NT5M: variants seen among roughly 807,000 people sequenced by gnomAD.
NT5M encodes the protein 5'(3')-deoxyribonucleotidase, mitochondrial.
A neutral mutation model predicts 22.2 loss-of-function variants in NT5M; 22 were observed. The ratio of observed to expected loss-of-function variants is 0.99; its 90% CI spans 0.71 to 1.41. The LOEUF is 1.41. NT5M is among the 40% of genes most tolerant of loss of function. The pLI is 0.00. For missense variants in NT5M, 322 were observed against 314.8 expected (o/e 1.02, Z -0.17); for synonymous variants, 167 against 133.0 (o/e 1.26, Z -1.76).
chr17:17,306,935 TGCCTGTAATCCCA>T (rs2048814852), intron 2 of NT5M, among the ~76,000 whole-genome samples: 1 of 152,134 alleles, frequency 6.6e-6, no homozygotes, highest in Admixed American at 6.5e-5. Flanking sequence ...TGGTGGCTCA[TGCCTGTAATCCCA>T]GCACTTTGGG....
At chr17:17,310,210 A>G (rs1035362246) in intron 2 of NT5M, among the ~76,000 whole-genome samples, 5 of 152,168 alleles carry the variant, frequency 3.3e-5, no homozygotes, top group Non-Finnish European at 7.3e-5. Flanking sequence ...CATGTATCTG[A>G]TAAGAGACTT....
At chr17:17,304,415 G>T in intron 1 of NT5M, 1 of 985,448 alleles carries the variant, frequency 1.0e-6, no homozygotes, top group Non-Finnish European at 1.2e-6. Context: ...GACTCCCGAG[G>T]TGTTCTGTCC....
At position 17,330,023 on chromosome 17, in the gene NT5M, G is replaced by C. The variant is rs147173090; in HGVS notation, c.429+6778G>C. ...ACAAAACAAAAACCTACTCCTGGCT[G>C]GGCGTGGTGGCTCACGCCTGTAATC... On this transcript the variant is annotated intron_variant, in intron 3 of 4. Coordinates refer to ENST00000389022, the MANE Select transcript of NT5M (RefSeq NM_020201.4). 2.7e-3 allele frequency among the ~76,000 whole-genome samples: 417 copies of C among 152,082 alleles called. 5 individuals are homozygous for C. The East Asian group carries it at 0.037, about 13-fold the overall frequency.
chr17:17,316,693 TTTTTG>T (rs145399562), intron 2 of NT5M, among the ~76,000 whole-genome samples: 89,874 of 147,472 alleles, frequency 0.61, 28,666 homozygotes, highest in East Asian at 0.78. Context: ...AGGGTTTTGT[TTTTTG>T]TTTTGTTTTG....
At chr17:17,326,605 C>G (rs926098746) in intron 3 of NT5M, among the ~76,000 whole-genome samples, 2 of 152,236 alleles carry the variant, frequency 1.3e-5, no homozygotes, top group Non-Finnish European at 1.5e-5. Flanking sequence ...CTGAAGCGCC[C>G]TTTCTCCATC....
At chr17:17,311,542 C>A (rs2048923131) in intron 2 of NT5M, among the ~76,000 whole-genome samples, 1 of 152,090 alleles carries the variant, frequency 6.6e-6, no homozygotes, top group Non-Finnish European at 1.5e-5. Flanking sequence ...ATTAATTGAG[C>A]ATCAATATAA....
chr17:17,335,654 A>T (rs897256293), intron 3 of NT5M, among the ~76,000 whole-genome samples: 6 of 150,988 alleles, frequency 4.0e-5, no homozygotes, highest in African/African-American at 1.2e-4. Context: ...TTTTTTTGAG[A>T]TGGAGTCTTG....
chr17:17,315,744 G>GTTTTTT lies in NT5M; in HGVS notation c.369-7439_369-7434dup, dbSNP rs1173004367. ...AGAGATTGATGTGATCTAACTTAGG[G>GTTTTTT]TTTTTTTGTTTTTTTTTTTTTTTTT... On this transcript the variant is annotated intron_variant, in intron 2 of 4. Transcript: ENST00000389022. Among the ~76,000 whole-genome samples the GTTTTTT allele has an allele frequency of 6.1e-4, 41 of 67,742 alleles. 7 individuals carry two copies. The highest frequency in any genetic ancestry group is 7.5e-4 in the Non-Finnish European group (28 of 37,272). 44.4% of individuals were successfully genotyped at this position (67,742 alleles called of 152,430 possible).
chr17:17,338,677 G>GTTTTTTTTTTTTTTTTT (rs59650601), intron 3 of NT5M, among the ~76,000 whole-genome samples: 1 of 73,222 alleles, frequency 1.4e-5, no homozygotes, highest in Non-Finnish European at 2.5e-5. Flanking sequence ...AATGTTAAGG[G>GTTTTTTTTTTTTTTTTT]TTTTTTTTTT....
intron 2 of NT5M, among the ~76,000 whole-genome samples, chr17:17,322,854 CTG>C (rs1396785592): frequency 1.3e-5 from 2 of 152,214 alleles, no homozygotes; most frequent in African/African-American, 4.8e-5. Context: ...GGCTCCTTCT[CTG>C]TGTTCTCCAG....
In NT5M at chr17:17,303,418, C is replaced by T. The variant is rs1053449166; in HGVS notation, c.-133C>T. The T allele has an allele frequency of 1.4e-5, 14 of 979,248 alleles. No individual in the cohort carries two copies. The highest frequency in any genetic ancestry group is 1.8e-5 in the African/African-American group (1 of 56,996). The allele number at this position is 979,248 out of a possible 1,614,324, so 60.7% of individuals were successfully genotyped here. ...GCGCCCGCACCCCGCGCTCCCCGCC[C>T]CGCTCCCCGTCCCGCGCTCCACGCG... On this transcript the variant is annotated 5_prime_UTR_variant, in exon 1 of 5. Transcript: ENST00000389022.
chr17:17,315,902 C>A lies in NT5M; in HGVS notation c.369-7283C>A, dbSNP rs533293410. Reference sequence around the variant, plus strand: ...AAGTAGCTGGGACTACAGGCATCTGCCACCACGCCCGGCTAATTTTTTTTT... The same window carrying A: ...AAGTAGCTGGGACTACAGGCATCTGACACCACGCCCGGCTAATTTTTTTTT... On this transcript the variant is annotated intron_variant, in intron 2 of 4. Transcript: ENST00000389022. 4.0e-5 allele frequency among the ~76,000 whole-genome samples: 6 copies of A among 151,868 alleles called. No individual in the cohort carries two copies. In the South Asian group the frequency reaches 1.3e-3, roughly 32 times the overall value.
At chr17:17,339,718 C>T (rs1461872100) in intron 3 of NT5M, among the ~76,000 whole-genome samples, 1 of 152,126 alleles carries the variant, frequency 6.6e-6, no homozygotes, top group Non-Finnish European at 1.5e-5. Context: ...ACCTTTTCAG[C>T]ACCAATTGAA....
At chr17:17,307,860 A>C (rs572561042) in intron 2 of NT5M, among the ~76,000 whole-genome samples, 1 of 148,954 alleles carries the variant, frequency 6.7e-6, no homozygotes, top group African/African-American at 2.4e-5. Context: ...TCTGCCTCCA[A>C]AAAAAAAAAG....
In NT5M at chr17:17,327,398, C is replaced by T. The variant is rs1165162952; in HGVS notation, c.429+4153C>T. 2.0e-5 allele frequency among the ~76,000 whole-genome samples: 2 copies of T among 98,016 alleles called. 1 individual carries two copies. The highest frequency in any genetic ancestry group is 7.2e-5 in the African/African-American group (2 of 27,920). 64.3% of individuals were successfully genotyped at this position (98,016 alleles called of 152,430 possible). A position where few individuals can be genotyped will look rare whatever the true frequency, so the allele number is the denominator to read the frequency against. ...CAGCTCTGTGGCCCAGACTGAAGTG[C>T]AGTGACACGATCTTGGCTCACTGCA... On this transcript the variant is annotated intron_variant, in intron 3 of 4. Coordinates refer to ENST00000389022, the MANE Select transcript of NT5M (RefSeq NM_020201.4).
rs562599779 is a variant in NT5M at position 17,305,085 on chromosome 17, A to G, written c.267+1268A>G. Among the ~76,000 whole-genome samples, 5 of 152,206 alleles carry G rather than the reference A, an allele frequency of 3.3e-5. No individual in the cohort carries two copies. The South Asian group carries it at 1.0e-3, about 32-fold the overall frequency. On this transcript the variant is annotated intron_variant, in intron 1 of 4. Transcript: ENST00000389022. ...TCCAGTGTGTGGCGAGTGTTCATTTATAGGCAGCGCTCGGCATGGGGAGTC... is the reference window on the plus strand; with the variant it reads ...TCCAGTGTGTGGCGAGTGTTCATTTGTAGGCAGCGCTCGGCATGGGGAGTC...
chr17:17,309,967 G>C (rs1232102443), intron 2 of NT5M, among the ~76,000 whole-genome samples: 1 of 151,764 alleles, frequency 6.6e-6, no homozygotes, highest in East Asian at 1.9e-4. Flanking sequence ...TGGGACTACA[G>C]GCACCCACCA....
chr17:17,323,290 C>G, intron 3 of NT5M, 45 bp downstream of exon 3: 1 of 1,505,804 alleles, frequency 6.6e-7, no homozygotes, highest in Non-Finnish European at 9.2e-7. Context: ...CCATGCATCA[C>G]AGGTGAGGGG....
intron 3 of NT5M, among the ~76,000 whole-genome samples, chr17:17,339,582 C>T (rs1184724874): frequency 6.6e-6 from 1 of 152,136 alleles, no homozygotes; most frequent in Non-Finnish European, 1.5e-5. Context: ...AGTTTTTCCC[C>T]ATTCAGTATG....
Sources: gnomAD v4.1 joint callset for allele counts (sites outside exome capture counted in the v4.1 genomes callset) on GRCh38, gnomAD v4.1.1 for gene constraint, MANE v1.5 for transcripts, NCBI Gene and HGNC (gene_info 2026-07-23, HGNC 2026-07-21) for gene names.